PTPN4: variants seen among roughly 807,000 people sequenced by gnomAD.
The protein encoded by PTPN4 is protein tyrosine phosphatase non-receptor type 4.
PTPN4 carries 49 observed loss-of-function variants against 135.5 expected under a neutral mutation model. The ratio of observed to expected loss-of-function variants is 0.36; its 90% confidence interval spans 0.29 to 0.46. The LOEUF is 0.46. Ranked by LOEUF, PTPN4 falls within the 20% of genes least tolerant of loss-of-function variation. The probability of loss-of-function intolerance (pLI) is 1.00; values close to 1 mark genes in which losing one functional copy is unlikely to be tolerated. For synonymous variants in PTPN4, 333 were observed against 369.9 expected (o/e 0.90, Z 1.14); for missense variants, 860 against 1,101.0 (o/e 0.78, Z 3.10).
intron 2 of PTPN4, among the ~76,000 whole-genome samples, chr2:119,843,596 G>A (rs1330323195): frequency 5.0e-5 from 5 of 99,952 alleles, no homozygotes; most frequent in Admixed American, 1.8e-4. Context: ...CCTCCCGGAC[G>A]GGGCGGCTGG....
intron 3 of PTPN4, among the ~76,000 whole-genome samples, chr2:119,864,205 T>C (rs1677799961): frequency 6.6e-6 from 1 of 152,128 alleles, no homozygotes; most frequent in African/African-American, 2.4e-5. Context: ...CTATAGGGTG[T>C]ATAACATTTT....
rs926882091 is a variant in PTPN4, at chr2:119,983,047, T to C, written c.*5977T>C. The C allele has an allele frequency of 1.8e-4, 27 of 152,194 alleles. No homozygotes were observed. The highest frequency in any genetic ancestry group is 6.5e-4 in the African/African-American group (27 of 41,446). The allele number at this position is 152,194 out of a possible 1,614,324, so 9.4% of individuals were successfully genotyped here. A position where few individuals can be genotyped will look rare whatever the true frequency, so the allele number is the denominator to read the frequency against. On this transcript the variant is annotated 3_prime_UTR_variant, in exon 27 of 27. Transcript: ENST00000263708. Reference sequence around the variant, plus strand: ...CAGTGAGGACTTCATTATTTTTATTTCTCTTTCCACGTCTCCAACTTTTTA... The same window carrying C: ...CAGTGAGGACTTCATTATTTTTATTCCTCTTTCCACGTCTCCAACTTTTTA...
chr2:119,837,410 G>T (rs1677312029), intron 2 of PTPN4, among the ~76,000 whole-genome samples: 1 of 152,010 alleles, frequency 6.6e-6, no homozygotes. Context: ...TCCACCGAGA[G>T]CTGGACACTT....
At chr2:119,813,853 T>C (rs372500885) in intron 2 of PTPN4, among the ~76,000 whole-genome samples, 4 of 152,162 alleles carry the variant, frequency 2.6e-5, no homozygotes, top group African/African-American at 9.7e-5. Context: ...CCTACTTTCA[T>C]AGATACCCAG....
intron 2 of PTPN4, among the ~76,000 whole-genome samples, chr2:119,816,428 A>G (rs572189957): frequency 3.3e-5 from 5 of 152,202 alleles, no homozygotes; most frequent in African/African-American, 1.2e-4. Context: ...TCTATAATCT[A>G]TGGCAGTGGT....
At chr2:119,865,207 G>A (rs1028312284) in intron 3 of PTPN4, among the ~76,000 whole-genome samples, 2 of 152,122 alleles carry the variant, frequency 1.3e-5, no homozygotes, top group South Asian at 2.1e-4. Context: ...AATCTTGTAA[G>A]TAGAGTTCCA....
At chr2:119,762,258 A>G (rs1367181413) in intron 1 of PTPN4, among the ~76,000 whole-genome samples, 1 of 152,122 alleles carries the variant, frequency 6.6e-6, no homozygotes, top group Non-Finnish European at 1.5e-5. Context: ...CAGTTTGAGC[A>G]TAGATGCCTA....
chr2:119,792,193 CATT>C (rs1204465042), intron 1 of PTPN4, among the ~76,000 whole-genome samples: 1 of 152,152 alleles, frequency 6.6e-6, no homozygotes, highest in Non-Finnish European at 1.5e-5. Flanking sequence ...AAATTGAAAA[CATT>C]ATAAAGTGCT....
chr2:119,809,705 C>T, intron 1 of PTPN4, 132 bp from the exon 2 acceptor site: 1 of 744,192 alleles, frequency 1.3e-6, no homozygotes, highest in Non-Finnish European at 2.0e-6. Context: ...AATTCTTATT[C>T]TGGTGTTTCA....
chr2:119,973,850 CTGAT>C (rs1679575479), intron 26 of PTPN4, among the ~76,000 whole-genome samples: 1 of 151,612 alleles, frequency 6.6e-6, no homozygotes, highest in Non-Finnish European at 1.5e-5. Context: ...CACATAATGT[CTGAT>C]TGTCTTTTTT....
intron 2 of PTPN4, among the ~76,000 whole-genome samples, chr2:119,822,361 C>CA (rs1395279877): frequency 2.3e-5 from 3 of 130,492 alleles, no homozygotes; most frequent in Non-Finnish European, 5.1e-5. Flanking sequence ...CCCCTCCCCC[C>CA]CCCTTTTTTT....
At chr2:119,949,563 C>T (rs1313729950) in intron 18 of PTPN4, among the ~76,000 whole-genome samples, 12 of 152,084 alleles carry the variant, frequency 7.9e-5, no homozygotes, top group Admixed American at 2.0e-4. Context: ...GTTTATTGGC[C>T]GGGTGTGATG....
At chr2:119,796,904 A>T (rs1691273540) in intron 1 of PTPN4, among the ~76,000 whole-genome samples, 1 of 148,890 alleles carries the variant, frequency 6.7e-6, no homozygotes, top group Non-Finnish European at 1.5e-5. Context: ...GTGTTTTGCC[A>T]TTCTGATAGG....
chr2:119,937,403 A>G (rs953937175), intron 15 of PTPN4, among the ~76,000 whole-genome samples: 6 of 152,186 alleles, frequency 3.9e-5, no homozygotes, highest in African/African-American at 1.4e-4. Flanking sequence ...TTAAGTGAGT[A>G]CAGGAGGTTG....
At chr2:119,791,520 A>T (rs1289159494) in intron 1 of PTPN4, among the ~76,000 whole-genome samples, 3 of 152,184 alleles carry the variant, frequency 2.0e-5, no homozygotes, top group Non-Finnish European at 4.4e-5. Flanking sequence ...GGGAATATTT[A>T]AAATTATTCC....
Position 119,882,568 on chromosome 2 carries a change from C to T in PTPN4, c.532C>T (p.Pro178Ser). 6.4e-7 allele frequency: 1 copy of T among 1,558,502 alleles called. No individual in the cohort carries two copies. The highest frequency in any genetic ancestry group is 8.8e-7 in the Non-Finnish European group (1 of 1,141,022). ...CTACCTCTCAGATTATTCTTTCATTCCTAATCAACCTCAAGATTTTGAAAA... is the reference window on the plus strand; with the variant it reads ...CTACCTCTCAGATTATTCTTTCATTTCTAATCAACCTCAAGATTTTGAAAA... ...SGYLSDYSFI[P>S]NQPQDFEKEI... is the part of the protein sequence containing the mutation. The change falls in exon 8 of 27, where the codon CCT becomes TCT. Residue 178 changes from proline to serine, a missense_variant. Pro to Ser is a moderately conservative substitution (Grantham distance 74, BLOSUM62 -1). This residue lies in a region of PTPN4 where 684 missense variants were observed against 807.0 expected (regional missense o/e 0.85). Coordinates refer to ENST00000263708, the MANE Select transcript of PTPN4 (RefSeq NM_002830.4).
intron 9 of PTPN4, 102 bp from the exon 10 acceptor site, chr2:119,900,616 A>G (rs13423766): frequency 3.1e-6 from 2 of 638,106 alleles, no homozygotes; most frequent in Admixed American, 6.6e-5. Flanking sequence ...ACCTTTGAAA[A>G]TGCAATGTTT....
chr2:119,899,192 A>G (rs185221591), intron 9 of PTPN4, among the ~76,000 whole-genome samples: 1 of 152,178 alleles, frequency 6.6e-6, no homozygotes, highest in Admixed American at 6.5e-5. Context: ...CCTACTGTCC[A>G]CAATTGCTGT....
intron 9 of PTPN4, among the ~76,000 whole-genome samples, chr2:119,891,699 G>C (rs1425651519): frequency 1.3e-5 from 2 of 152,082 alleles, no homozygotes; most frequent in Non-Finnish European, 2.9e-5. Context: ...TGACTTATTT[G>C]TATTGTTTTT....
Sources: allele counts gnomAD v4.1 joint callset (sites outside exome capture counted in the v4.1 genomes callset), GRCh38; gene constraint gnomAD v4.1.1; regional missense constraint gnomAD v4.1.1; transcripts MANE v1.5; gene names NCBI Gene and HGNC (gene_info 2026-07-23, HGNC 2026-07-21).